Variants in TTC28 observed in about 807,000 individuals in gnomAD.
TTC28 encodes the protein tetratricopeptide repeat protein 28.
In TTC28, 61 loss-of-function variants were observed where a neutral mutation model predicts 198.0. That is an observed-to-expected ratio of 0.31 (90% CI 0.25 to 0.38). The LOEUF is 0.38. Ranked by LOEUF, TTC28 falls within the 10% of genes least tolerant of loss-of-function variation. TTC28 has a pLI of 1.00. For synonymous variants in TTC28, 1,171 were observed against 1,297.8 expected (o/e 0.90, Z 2.10); for missense variants, 2,678 against 3,164.0 (o/e 0.85, Z 3.69).
chr22:28,160,847 T>G (rs1308513833), intron 6 of TTC28, among the ~76,000 whole-genome samples: 1 of 152,184 alleles, frequency 6.6e-6, no homozygotes, highest in Non-Finnish European at 1.5e-5. Flanking sequence ...AATTGTTTGT[T>G]TTTTGAAGGG....
chr22:28,149,131 T>C (rs1460559802), intron 6 of TTC28, among the ~76,000 whole-genome samples: 1 of 152,218 alleles, frequency 6.6e-6, no homozygotes, highest in East Asian at 1.9e-4. Flanking sequence ...GTGTAGCCTA[T>C]TGTTCCTAGG....
intron 13 of TTC28, among the ~76,000 whole-genome samples, chr22:28,027,992 C>A (rs1433205893): frequency 6.6e-6 from 1 of 152,274 alleles, no homozygotes; most frequent in Non-Finnish European, 1.5e-5. Context: ...TAGCTCCACT[C>A]TCTTGTGGAT....
intron 13 of TTC28, among the ~76,000 whole-genome samples, chr22:28,025,627 C>T (rs2146616178): frequency 6.6e-6 from 1 of 152,258 alleles, no homozygotes; most frequent in South Asian, 2.1e-4. Flanking sequence ...CACAAGGATC[C>T]CAGCATTTTG....
chr22:28,431,073 A>G (rs774063649), intron 2 of TTC28, among the ~76,000 whole-genome samples: 10 of 151,928 alleles, frequency 6.6e-5, no homozygotes, highest in Non-Finnish European at 1.5e-4. Flanking sequence ...TTCATCTCCC[A>G]TCCAATCTAG....
chr22:28,203,800 A>AC (rs1314585964), intron 5 of TTC28, among the ~76,000 whole-genome samples: 7 of 152,132 alleles, frequency 4.6e-5, no homozygotes, highest in Non-Finnish European at 7.4e-5. Context: ...TAAAAATGCT[A>AC]AACTCAGGCT....
chr22:28,087,116 A>G lies in TTC28; in HGVS notation c.3932+6964T>C, dbSNP rs528331835. Among the ~76,000 whole-genome samples, 143 of 152,292 alleles carry G rather than the reference A, an allele frequency of 9.4e-4. 2 individuals carry two copies. Among genetic ancestry groups the G allele is most frequent in the African/African-American group, 3.3e-3 (136 of 41,574 alleles). On this transcript the variant is annotated intron_variant, in intron 12 of 22. Coordinates refer to ENST00000397906, the MANE Select transcript of TTC28 (RefSeq NM_001145418.2). ...AACTGGTACCATTCCTTCTGAAACT[A>G]TTCCAATCAATAGAAAAAGAGGGAA...
At chr22:28,311,673 T>C (rs2145823341) in intron 2 of TTC28, among the ~76,000 whole-genome samples, 1 of 152,298 alleles carries the variant, frequency 6.6e-6, no homozygotes, top group South Asian at 2.1e-4. Flanking sequence ...AATCCAATTA[T>C]ACTCTTTTAG....
chr22:28,010,380 GGAAAGTCTGCAGGGA>G, intron 14 of TTC28, among the ~76,000 whole-genome samples: 1 of 152,132 alleles, frequency 6.6e-6, no homozygotes. Context: ...TTAAGTCACG[GGAAAGTCTGCAGGGA>G]GAAAAACTCT....
intron 11 of TTC28, among the ~76,000 whole-genome samples, 188 bp downstream of exon 11, chr22:28,096,002 G>T (rs1438385166): frequency 6.6e-6 from 1 of 152,204 alleles, no homozygotes; most frequent in Non-Finnish European, 1.5e-5. Flanking sequence ...TTGGGGAAAT[G>T]AGAAAGCTGG....
chr22:28,315,950 G>C (rs528762440), intron 2 of TTC28, among the ~76,000 whole-genome samples: 1 of 152,190 alleles, frequency 6.6e-6, no homozygotes, highest in Non-Finnish European at 1.5e-5. Flanking sequence ...GAGGGGTGCT[G>C]TTTTTACAGT....
chr22:28,627,299 T>C (rs1363186394), intron 2 of TTC28, among the ~76,000 whole-genome samples: 1 of 152,210 alleles, frequency 6.6e-6, no homozygotes. Context: ...TTCCCATTTA[T>C]CTTAACTTCA....
chr22:28,053,863 C>G (rs1032611734), intron 12 of TTC28, among the ~76,000 whole-genome samples: 8 of 152,142 alleles, frequency 5.3e-5, no homozygotes, highest in African/African-American at 1.9e-4. Flanking sequence ...AGAAACTGTT[C>G]ATTGGTATCC....
intron 2 of TTC28, among the ~76,000 whole-genome samples, chr22:28,406,171 A>T (rs936267355): frequency 7.9e-5 from 12 of 152,246 alleles, no homozygotes; most frequent in African/African-American, 2.7e-4. Flanking sequence ...AAATGAAAAT[A>T]TAAGGAAAAA....
intron 5 of TTC28, among the ~76,000 whole-genome samples, chr22:28,243,952 C>T (rs76447725): frequency 5.3e-5 from 8 of 152,142 alleles, no homozygotes; most frequent in Non-Finnish European, 1.0e-4. Flanking sequence ...GAAGAGAAAT[C>T]GTTGTCCTTA....
rs1308840135 is a variant in TTC28, at chr22:27,982,140, G to C, written c.*81C>G. Reference sequence around the variant, plus strand: ...ATGAGGGTGCTGGTGGCTGTGGGGGGACTGCACTCAGGGAAGGGCTGAAGC... The same window carrying C: ...ATGAGGGTGCTGGTGGCTGTGGGGGCACTGCACTCAGGGAAGGGCTGAAGC... On this transcript the variant is annotated 3_prime_UTR_variant, in exon 23 of 23. Coordinates refer to ENST00000397906, the MANE Select transcript of TTC28 (RefSeq NM_001145418.2). The surrounding 1 kb of genome is among the most constrained non-coding windows in gnomAD (Gnocchi z 5.2). 7.3e-7 allele frequency: 1 copy of C among 1,360,976 alleles called. No homozygotes were observed. Among genetic ancestry groups the C allele is most frequent in the Non-Finnish European group, 9.8e-7 (1 of 1,021,354 alleles). The allele number at this position is 1,360,976 out of a possible 1,614,324, so 84.3% of individuals were successfully genotyped here. A position where few individuals can be genotyped will look rare whatever the true frequency, so the allele number is the denominator to read the frequency against.
At chr22:28,659,662 T>C (rs2051711574) in intron 1 of TTC28, among the ~76,000 whole-genome samples, 1 of 152,128 alleles carries the variant, frequency 6.6e-6, no homozygotes, top group Admixed American at 6.5e-5. Context: ...CTTAGGAGGC[T>C]GAGGCAAGAG....
chr22:28,370,713 G>A (rs937053087), intron 2 of TTC28, among the ~76,000 whole-genome samples: 3 of 152,138 alleles, frequency 2.0e-5, no homozygotes. Flanking sequence ...GAGAGTAGTA[G>A]AGAGAGAGAC....
intron 2 of TTC28, among the ~76,000 whole-genome samples, chr22:28,368,588 A>C (rs2046283243): frequency 1.3e-5 from 2 of 152,090 alleles, no homozygotes. Context: ...TCCATACTAA[A>C]ACAGAAAAAG....
chr22:28,632,440 T>G (rs574488235), intron 1 of TTC28, among the ~76,000 whole-genome samples: 4 of 151,824 alleles, frequency 2.6e-5, no homozygotes, highest in South Asian at 2.1e-4. Flanking sequence ...ATATTCAACT[T>G]TCACATACTG....
Sources: allele counts gnomAD v4.1 joint callset (sites outside exome capture counted in the v4.1 genomes callset), GRCh38; gene constraint gnomAD v4.1.1; non-coding constraint Gnocchi (gnomAD v3.1); transcripts MANE v1.5; gene names NCBI Gene and HGNC (gene_info 2026-07-23, HGNC 2026-07-21).